The following TPRG1 variants were observed in gnomAD, a reference collection of about 807,000 sequenced individuals.
TPRG1 encodes tumor protein p63 regulated 1.
Under a neutral mutation model 29.3 loss-of-function variants are expected in TPRG1, and 29 were observed. The ratio of observed to expected loss-of-function variants is 0.99; its 90% CI spans 0.74 to 1.35. TPRG1 has a LOEUF of 1.35. TPRG1 is among the 40% of genes most tolerant of loss of function. The pLI is 0.00. For missense variants in TPRG1, 327 were observed against 335.0 expected (o/e 0.98, Z 0.19); for synonymous variants, 130 against 116.8 (o/e 1.11, Z -0.73).
chr3:189,007,874 A>C (rs1455241635), intron 3 of TPRG1, among the ~76,000 whole-genome samples: 1 of 126,524 alleles, frequency 7.9e-6, no homozygotes, highest in African/African-American at 3.1e-5. Flanking sequence ...AGGAAAGGGA[A>C]TATCACACTC....
At chr3:189,310,818 A>C (rs914265537) in intron 5 of TPRG1, among the ~76,000 whole-genome samples, 1 of 152,094 alleles carries the variant, frequency 6.6e-6, no homozygotes, top group African/African-American at 2.4e-5. Context: ...CATGGTGTAT[A>C]TACTTTCCCA....
intron 4 of TPRG1, among the ~76,000 whole-genome samples, chr3:189,083,916 G>T (rs894327560): frequency 6.6e-6 from 1 of 152,160 alleles, no homozygotes; most frequent in African/African-American, 2.4e-5. Flanking sequence ...GGTGGCTCAC[G>T]CCTGTAATCC....
intron 4 of TPRG1, among the ~76,000 whole-genome samples, chr3:189,051,918 ATC>A (rs1715348308): frequency 6.6e-6 from 1 of 152,204 alleles, no homozygotes; most frequent in Non-Finnish European, 1.5e-5. Flanking sequence ...CTGGATCCTC[ATC>A]TCTCACCTTG....
chr3:189,164,284 T>A (rs150336915), intron 5 of TPRG1, among the ~76,000 whole-genome samples: 1 of 152,270 alleles, frequency 6.6e-6, no homozygotes, highest in Non-Finnish European at 1.5e-5. Flanking sequence ...TGCCTTAGCC[T>A]CCTGAGCAGC....
At chr3:189,307,333 A>G (rs555968351) in intron 4 of TPRG1, among the ~76,000 whole-genome samples, 5 of 152,238 alleles carry the variant, frequency 3.3e-5, no homozygotes, top group Non-Finnish European at 5.9e-5. Flanking sequence ...CAAAGACCCA[A>G]TCTTCTCACC....
intron 2 of TPRG1, among the ~76,000 whole-genome samples, chr3:189,129,302 G>T (rs1027859070): frequency 6.6e-6 from 1 of 152,046 alleles, no homozygotes; most frequent in Admixed American, 6.6e-5. Flanking sequence ...TTCAATTTTG[G>T]TTTTTCTGAT....
chr3:189,028,392 C>G (rs1487871014), intron 4 of TPRG1, among the ~76,000 whole-genome samples: 1 of 152,190 alleles, frequency 6.6e-6, no homozygotes, highest in Non-Finnish European at 1.5e-5. Context: ...AGTGTCACAA[C>G]TATTTCTTCT....
At chr3:189,006,584 A>C (rs1712297956) in intron 3 of TPRG1, among the ~76,000 whole-genome samples, 1 of 152,150 alleles carries the variant, frequency 6.6e-6, no homozygotes, top group African/African-American at 2.4e-5. Flanking sequence ...CAAGGCAAAA[A>C]TCTAAACTTG....
At chr3:189,062,305 G>A (rs1312337207) in intron 4 of TPRG1, among the ~76,000 whole-genome samples, 1 of 152,054 alleles carries the variant, frequency 6.6e-6, no homozygotes, top group Non-Finnish European at 1.5e-5. Flanking sequence ...GGACTGAGGA[G>A]GAAGAGGATC....
chr3:189,106,135 T>G (rs952807304), intron 1 of TPRG1, among the ~76,000 whole-genome samples: 4 of 152,038 alleles, frequency 2.6e-5, no homozygotes, highest in African/African-American at 9.7e-5. Flanking sequence ...AAAAAACTAG[T>G]GTGTCGATAT....
At chr3:189,082,543 T>A (rs1007665625) in intron 4 of TPRG1, among the ~76,000 whole-genome samples, 3 of 152,210 alleles carry the variant, frequency 2.0e-5, no homozygotes, top group African/African-American at 7.2e-5. Flanking sequence ...CATACATGCC[T>A]GTTAATGGAG....
At chr3:189,261,311 A>G (rs1712992302) in intron 4 of TPRG1, among the ~76,000 whole-genome samples, 1 of 151,854 alleles carries the variant, frequency 6.6e-6, no homozygotes. Flanking sequence ...GGAAGCTGGC[A>G]TTTTGTTGTT....
chr3:189,258,999 T>C (rs2109029229), intron 4 of TPRG1, among the ~76,000 whole-genome samples: 1 of 152,188 alleles, frequency 6.6e-6, no homozygotes, highest in South Asian at 2.1e-4. Context: ...GCCCTCTTTC[T>C]AGAGTGAACA....
chr3:189,156,312 A>C (rs958894125), intron 5 of TPRG1, among the ~76,000 whole-genome samples: 19 of 152,058 alleles, frequency 1.2e-4, no homozygotes, highest in African/African-American at 4.6e-4. Flanking sequence ...GATCCTCCAG[A>C]AGGAACACAG....
intron 5 of TPRG1, among the ~76,000 whole-genome samples, chr3:189,159,298 A>T (rs1391019481): frequency 6.6e-6 from 1 of 152,192 alleles, no homozygotes; most frequent in East Asian, 1.9e-4. Flanking sequence ...GGGAATTATG[A>T]CAGGTTTCAC....
At chr3:189,080,578 T>G (rs1375247165) in intron 4 of TPRG1, among the ~76,000 whole-genome samples, 1 of 152,094 alleles carries the variant, frequency 6.6e-6, no homozygotes, top group African/African-American at 2.4e-5. Context: ...AGGATGGATC[T>G]GAGAGCAAAC....
intron 5 of TPRG1, among the ~76,000 whole-genome samples, chr3:189,154,921 A>G (rs537404153): frequency 3.3e-4 from 51 of 152,370 alleles, no homozygotes; most frequent in African/African-American, 1.2e-3. Context: ...TCCATTTTAA[A>G]TAGGGCAGTC....
chr3:189,264,227 A>G (rs897031419), intron 4 of TPRG1, among the ~76,000 whole-genome samples: 7 of 152,130 alleles, frequency 4.6e-5, no homozygotes, highest in South Asian at 2.1e-4. Flanking sequence ...TCTTGGGTCA[A>G]TGGTTAACCA....
chr3:189,239,905 C>T (rs1174904401), intron 4 of TPRG1, among the ~76,000 whole-genome samples: 1 of 152,136 alleles, frequency 6.6e-6, no homozygotes, highest in Non-Finnish European at 1.5e-5. Flanking sequence ...GTCTTCGAGG[C>T]ATCTGCCTTT....
Sources: gnomAD v4.1 joint callset for allele counts (sites outside exome capture counted in the v4.1 genomes callset) on GRCh38, gnomAD v4.1.1 for gene constraint, MANE v1.5 for transcripts, NCBI Gene and HGNC (gene_info 2026-07-23, HGNC 2026-07-21) for gene names.